The following SYT4 variants were observed in gnomAD, a reference collection of about 807,000 sequenced individuals.
The protein encoded by SYT4 is synaptotagmin-4.
Under a neutral mutation model 32.9 loss-of-function variants are expected in SYT4, and 7 were observed. The observed-to-expected ratio is 0.21, with a 90% CI of 0.12 to 0.40. SYT4 has a LOEUF of 0.40. SYT4 is among the 10% of genes least tolerant of loss of function. The pLI is 1.00. For missense variants in SYT4, 480 were observed against 488.0 expected (o/e 0.98, Z 0.16); for synonymous variants, 205 against 186.2 (o/e 1.10, Z -0.82).
intron 3 of SYT4, 58 bp from the exon 4 acceptor site, chr18:43,270,706 AAGATAACAGTGCCCTT>A: frequency 1.3e-6 from 2 of 1,567,656 alleles, no homozygotes; most frequent in South Asian, 2.3e-5. Flanking sequence ...AGCTGATATC[AAGATAACAGTGCCCTT>A]AGAGATCATG....
chr18:43,269,671 G>C lies in SYT4; in HGVS notation c.*670C>G, dbSNP rs1250256954. ...AATTTTGACTCACATGTAACCTTAG[G>C]GGGGAGAAAAATTATATTTCAGCCA... On this transcript the variant is annotated 3_prime_UTR_variant, in exon 4 of 4. Coordinates refer to ENST00000255224, the MANE Select transcript of SYT4 (RefSeq NM_020783.4). The C allele has an allele frequency of 6.5e-6, 1 of 152,734 alleles. No individual in the cohort carries two copies. The highest frequency in any genetic ancestry group is 2.4e-5 in the African/African-American group (1 of 41,420). The allele number at this position is 152,734 out of a possible 1,614,324, so 9.5% of individuals were successfully genotyped here. A position where few individuals can be genotyped will look rare whatever the true frequency, so the allele number is the denominator to read the frequency against.
chr18:43,273,675 C>A lies in SYT4; in HGVS notation c.754G>T (p.Asp252Tyr), dbSNP rs748247817. The change falls in exon 2 of 4, where the codon GAT becomes TAT. Residue 252 changes from aspartate to tyrosine, a missense_variant. Transcript: ENST00000255224. ...ILSFDRFSRDDIIGEVLIPLS... is the reference protein window; with the variant it reads ...ILSFDRFSRDYIIGEVLIPLS... ...GGAATTAGAACTTCCCCAATGATAT[C>A]ATCTCTTGAAAACCTGTCAAAACTC... 2 of 1,613,958 alleles carry A rather than the reference C, an allele frequency of 1.2e-6. No homozygotes were observed. The highest frequency in any genetic ancestry group is 1.7e-6 in the Non-Finnish European group (2 of 1,179,878).
At position 43,274,227 on chromosome 18, in the gene SYT4, T is replaced by A; in HGVS notation, c.202A>T (p.Asn68Tyr). ...KGVDIYPENL[N>Y]SKKKFGADDK... ...TCTGCTCCAAACTTCTTTTTGCTAT[T>A]TAGGTTTTCAGGGTAAATATCAACT... Residue 68 changes from asparagine to tyrosine, a missense_variant, in exon 2 of 4, where the codon AAT becomes TAT. By Grantham distance (143) the Asn-to-Tyr change is moderately radical. Coordinates refer to ENST00000255224, the MANE Select transcript of SYT4 (RefSeq NM_020783.4). 1.2e-6 allele frequency: 2 copies of A among 1,614,008 alleles called. No homozygotes were observed. Among genetic ancestry groups the A allele is most frequent in the Non-Finnish European group, 1.7e-6 (2 of 1,179,940 alleles).
chr18:43,270,269 T>A lies in SYT4; in HGVS notation c.*72A>T, dbSNP rs1908585311. On this transcript the variant is annotated 3_prime_UTR_variant, in exon 4 of 4. Coordinates refer to ENST00000255224, the MANE Select transcript of SYT4 (RefSeq NM_020783.4). ...GTAGCTTGATTTCCCAAGCTTGCAATCCAATATAGAAAGAAAGAAAATTTC... is the reference window on the plus strand; with the variant it reads ...GTAGCTTGATTTCCCAAGCTTGCAAACCAATATAGAAAGAAAGAAAATTTC... The A allele has an allele frequency of 1.3e-6, 2 of 1,505,054 alleles. No homozygotes were observed. Among genetic ancestry groups the A allele is most frequent in the Admixed American group, 4.1e-5 (2 of 49,256 alleles). The allele number at this position is 1,505,054 out of a possible 1,614,324, so 93.2% of individuals were successfully genotyped here.
rs1313921027 is a variant in SYT4 at position 43,269,694 on chromosome 18, C to T, written c.*647G>A. ...AGGGGGGAGAAAAATTATATTTCAG[C>T]CACAGTGTTCTCAACTCAGCCCTTT... is the stretch of plus-strand genomic sequence containing the variant. On this transcript the variant is annotated 3_prime_UTR_variant, in exon 4 of 4. Coordinates refer to ENST00000255224, the MANE Select transcript of SYT4 (RefSeq NM_020783.4). 2.0e-5 allele frequency: 3 copies of T among 152,714 alleles called. No homozygotes were observed. Among genetic ancestry groups the T allele is most frequent in the Admixed American group, 6.6e-5 (1 of 15,264 alleles). The allele number at this position is 152,714 out of a possible 1,614,324, so 9.5% of individuals were successfully genotyped here. A position where few individuals can be genotyped will look rare whatever the true frequency, so the allele number is the denominator to read the frequency against.
intron 3 of SYT4, 108 bp from the exon 4 acceptor site, chr18:43,270,756 C>T (rs1336283302): frequency 4.8e-5 from 58 of 1,205,600 alleles, no homozygotes; most frequent in Admixed American, 1.4e-4. Flanking sequence ...ATGTGGTTAC[C>T]AGGAAAATAA....
chr18:43,272,076 C>T (rs1908649513), intron 2 of SYT4: 2 of 266,634 alleles, frequency 7.5e-6, no homozygotes, highest in Admixed American at 4.9e-5. Flanking sequence ...AATAAATTGG[C>T]CACACCCATT....
At chr18:43,276,968 C>T (rs1908814652) in intron 1 of SYT4, among the ~76,000 whole-genome samples, 1 of 152,094 alleles carries the variant, frequency 6.6e-6, no homozygotes, top group Non-Finnish European at 1.5e-5. Flanking sequence ...TTTTTCTTTA[C>T]TCAGTACATG....
At position 43,274,197 on chromosome 18, in the gene SYT4, T is replaced by TA; in HGVS notation, c.231dup (p.Lys78Ter). The TA allele has an allele frequency of 6.2e-7, 1 of 1,614,022 alleles. No individual in the cohort carries two copies. Among genetic ancestry groups the TA allele is most frequent in the Non-Finnish European group, 8.5e-7 (1 of 1,179,936 alleles). The stretch of plus-strand genomic sequence containing the variant: ...GCTGGCTTATTCTTTACTTCATTTT[T>TA]ATCATCTGCTCCAAACTTCTTTTTG... On this transcript the variant is annotated frameshift_variant, in exon 2 of 4. Transcript: ENST00000255224. LOFTEE classifies it high-confidence loss of function.
chr18:43,270,383 G>A lies in SYT4; in HGVS notation c.1236C>T (p.Pro412=), dbSNP rs751604157. ...GEHWKEICDY[P]RRQIAKWHVL... ...CGTGCCACTTGGCAATTTGTCTCCTGGGGTAGTCACAGATCTCTTTCCAGT... is the reference window on the plus strand; with the variant it reads ...CGTGCCACTTGGCAATTTGTCTCCTAGGGTAGTCACAGATCTCTTTCCAGT... The change falls in exon 4 of 4, where the codon CCC becomes CCT. Residue 412 remains proline (P), a synonymous_variant. Transcript: ENST00000255224. The A allele has an allele frequency of 1.9e-6, 3 of 1,613,926 alleles. No homozygotes were observed. Among genetic ancestry groups the A allele is most frequent in the Admixed American group, 3.3e-5 (2 of 59,998 alleles).
chr18:43,270,737 G>A, intron 3 of SYT4, 89 bp from the exon 4 acceptor site: 1 of 1,366,182 alleles, frequency 7.3e-7, no homozygotes, highest in Non-Finnish European at 1.0e-6. Context: ...ATCATGGCAT[G>A]CCAATGACAT....
chr18:43,276,930 T>C (rs1211329527), intron 1 of SYT4, among the ~76,000 whole-genome samples: 5 of 152,114 alleles, frequency 3.3e-5, no homozygotes, highest in African/African-American at 1.2e-4. Flanking sequence ...ACAAAATAGA[T>C]GAAACCAACA....
At chr18:43,274,496 A>G in intron 1 of SYT4, 102 bp from the exon 2 acceptor site, 1 of 913,984 alleles carries the variant, frequency 1.1e-6, no homozygotes, top group East Asian at 2.7e-5. Context: ...TAGGTTGGAT[A>G]GATTGAATTA....
rs753692040 is a variant in SYT4, at chr18:43,273,889, C to T, written c.540G>A (p.Leu180=). Residue 180 remains leucine (L), a synonymous_variant, in exon 2 of 4, where the codon TTG becomes TTA. Transcript: ENST00000255224. ...TCATCGACTGCTCATCCATGGCTGG[C>T]AAGCCACGGGCTTCCTTGATATTGA... ...FVVNIKEARG[L]PAMDEQSMTS... 14 of 1,613,902 alleles carry T rather than the reference C, an allele frequency of 8.7e-6. No individual in the cohort carries two copies. Among genetic ancestry groups the T allele is most frequent in the Middle Eastern group, 3.3e-4 (2 of 6,084 alleles).
chr18:43,274,039 T>G lies in SYT4; in HGVS notation c.390A>C (p.Glu130Asp). ...NATPKLFLEGEKESVSPESLK... is the reference protein window; with the variant it reads ...NATPKLFLEGDKESVSPESLK... ...AACTCTCAGGGGAAACTGACTCTTT[T>G]TCCCCTTCTAAAAAGAGCTTCGGGG... The change falls in exon 2 of 4, where the codon GAA (glutamate) becomes GAC (aspartate). Residue 130 changes from glutamate to aspartate, a missense_variant. Physicochemically the swap from Glu to Asp is conservative, Grantham distance 45. Coordinates refer to ENST00000255224, the MANE Select transcript of SYT4 (RefSeq NM_020783.4). 2 of 1,614,040 alleles carry G rather than the reference T, an allele frequency of 1.2e-6. No homozygotes were observed. Among genetic ancestry groups the G allele is most frequent in the Non-Finnish European group, 1.7e-6 (2 of 1,179,942 alleles).
At position 43,270,261 on chromosome 18, in the gene SYT4, G is replaced by C; in HGVS notation, c.*80C>G. The C allele has an allele frequency of 6.9e-7, 1 of 1,455,580 alleles. No individual in the cohort carries two copies. The highest frequency in any genetic ancestry group is 9.3e-7 in the Non-Finnish European group (1 of 1,074,104). 90.2% of individuals were successfully genotyped at this position (1,455,580 alleles called of 1,614,324 possible). A position where few individuals can be genotyped will look rare whatever the true frequency, so the allele number is the denominator to read the frequency against. ...ACAAAAAGGTAGCTTGATTTCCCAA[G>C]CTTGCAATCCAATATAGAAAGAAAG... On this transcript the variant is annotated 3_prime_UTR_variant, in exon 4 of 4. Coordinates refer to ENST00000255224, the MANE Select transcript of SYT4 (RefSeq NM_020783.4).
rs932413593 is a variant in SYT4, at chr18:43,271,602, A to G, written c.970+110T>C. ...AACTAAAAGCTAACTTTTATAGCAG[A>G]TACATAAGGTATTAGAGAAAAGATA... On this transcript the variant is annotated intron_variant, in intron 3 of 3. Transcript: ENST00000255224. 29 of 1,393,340 alleles carry G rather than the reference A, an allele frequency of 2.1e-5. No individual in the cohort carries two copies. The Admixed American group carries it at 4.8e-4, about 23-fold the overall frequency. 86.3% of individuals were successfully genotyped at this position (1,393,340 alleles called of 1,614,324 possible).
Position 43,277,337 on chromosome 18 carries a change from A to C in SYT4, c.-56T>G. The C allele has an allele frequency of 6.2e-7, 1 of 1,607,806 alleles. No homozygotes were observed. ...AAGGGAAAACTGCCTGGCTGGATTC[A>C]CTTGCCTGGATCTCAAGCGCCGGCT... On this transcript the variant is annotated 5_prime_UTR_variant, in exon 1 of 4. Transcript: ENST00000255224.
Position 43,270,224 on chromosome 18 carries a change from A to ACAG in SYT4, c.*116_*117insCTG. 1 of 1,030,014 alleles carries ACAG rather than the reference A, an allele frequency of 9.7e-7. No individual in the cohort carries two copies. 63.8% of individuals were successfully genotyped at this position (1,030,014 alleles called of 1,614,324 possible). A position where few individuals can be genotyped will look rare whatever the true frequency, so the allele number is the denominator to read the frequency against. ...CTACTAATTCAATCCATTTCTAGCAACAACAACAACAACAAAAAGGTAGCT... is the reference window on the plus strand; with the variant it reads ...CTACTAATTCAATCCATTTCTAGCAACAGCAACAACAACAACAAAAAGGTAGCT... On this transcript the variant is annotated 3_prime_UTR_variant, in exon 4 of 4. Transcript: ENST00000255224.
Sources: gnomAD v4.1 joint callset for allele counts (sites outside exome capture counted in the v4.1 genomes callset) on GRCh38, gnomAD v4.1.1 for gene constraint, MANE v1.5 for transcripts, NCBI Gene and HGNC (gene_info 2026-07-23, HGNC 2026-07-21) for gene names.